The following FANCA variants were observed in gnomAD, a reference collection of about 807,000 sequenced individuals.
FANCA encodes FA complementation group A.
FANCA carries 236 observed loss-of-function variants against 194.3 expected under a neutral mutation model. That is an observed-to-expected ratio of 1.21 (90% CI 1.09 to 1.35). FANCA has a LOEUF of 1.35. FANCA is among the 40% of genes most tolerant of loss of function. The pLI is 0.00. For missense variants in FANCA, 2,628 were observed against 1,813.9 expected (o/e 1.45, Z -8.15); for synonymous variants, 1,014 against 715.8 (o/e 1.42, Z -6.65).
Position 89,770,016 on chromosome 16 carries a change from G to C in FANCA, c.2325C>G (p.Ser775Arg), listed in dbSNP as rs545765795. The C allele has an allele frequency of 3.7e-6, 6 of 1,613,564 alleles. No homozygotes were observed. In the Admixed American group the frequency reaches 6.7e-5, roughly 18 times the overall value. ...LCQLLRHQGP[S>R]LSAPHVLGLA... ...ACCCCAGCACATGTGGGGCACTCAG[G>C]CTCGGGCCCTGCAACGAGAATGAGG... The change falls in exon 26 of 43, where the codon AGC becomes AGG. Residue 775 changes from serine to arginine, a missense_variant. By Grantham distance (110) the Ser-to-Arg change is moderately radical. Transcript: ENST00000389301.
At chr16:89,767,314 A>G in intron 26 of FANCA, 77 bp from the exon 27 acceptor site, 1 of 1,055,440 alleles carries the variant, frequency 9.5e-7, no homozygotes, top group Non-Finnish European at 1.4e-6. Flanking sequence ...TTTGAATTTC[A>G]TAAAACTGAA....
chr16:89,759,549 C>T (rs914694380), intron 29 of FANCA, among the ~76,000 whole-genome samples: 1 of 151,738 alleles, frequency 6.6e-6, no homozygotes, highest in Non-Finnish European at 1.5e-5. Context: ...TCACTTGAGC[C>T]CAGGAGTCTG....
At chr16:89,799,035 C>G (rs1384674891) in intron 10 of FANCA, 131 bp downstream of exon 10, 1 of 1,614,258 alleles carries the variant, frequency 6.2e-7, no homozygotes, top group Admixed American at 1.7e-5. Context: ...CGCACGTTAT[C>G]GTAACTGGCA....
rs1421427018 is a variant in FANCA, at chr16:89,740,262, CA to C, written c.3829-164del. 4.5e-5 allele frequency: 31 copies of C among 687,356 alleles called. No individual in the cohort carries two copies. The East Asian group carries it at 8.2e-4, about 18-fold the overall frequency. 42.6% of individuals were successfully genotyped at this position (687,356 alleles called of 1,614,324 possible). A position where few individuals can be genotyped will look rare whatever the true frequency, so the allele number is the denominator to read the frequency against. Reference sequence around the variant, plus strand: ...TAGAAGGTAATACTGGGCCTCTGGACAGAAGAGGCTCAGGTAGGAGGCCAGG... The same window carrying C: ...TAGAAGGTAATACTGGGCCTCTGGACGAAGAGGCTCAGGTAGGAGGCCAGG... On this transcript the variant is annotated intron_variant, in intron 38 of 42. Coordinates refer to ENST00000389301, the MANE Select transcript of FANCA (RefSeq NM_000135.4).
chr16:89,761,532 A>G (rs2038954235), intron 29 of FANCA, among the ~76,000 whole-genome samples: 1 of 152,172 alleles, frequency 6.6e-6, no homozygotes, highest in African/African-American at 2.4e-5. Context: ...ATTGTGCTCA[A>G]AGATTAACAG....
At chr16:89,788,652 T>C (rs2039972484) in intron 14 of FANCA, among the ~76,000 whole-genome samples, 1 of 151,974 alleles carries the variant, frequency 6.6e-6, no homozygotes, top group Non-Finnish European at 1.5e-5. Flanking sequence ...TTTTTTTAAT[T>C]AGCTGGGTGT....
intron 14 of FANCA, 55 bp downstream of exon 14, chr16:89,791,348 T>C: frequency 6.2e-7 from 1 of 1,600,986 alleles, no homozygotes; most frequent in Non-Finnish European, 8.5e-7. Flanking sequence ...TGGTCCCCAC[T>C]CCCAGGCCTT....
intron 5 of FANCA, among the ~76,000 whole-genome samples, chr16:89,808,867 T>C (rs1310444161): frequency 1.3e-5 from 2 of 151,508 alleles, no homozygotes; most frequent in Admixed American, 6.6e-5. Context: ...ACTGCCCTGA[T>C]CTCCCTGCAG....
At chr16:89,742,979 C>T (rs1253167380) in intron 36 of FANCA, 41 bp from the exon 37 acceptor site, 2 of 1,599,244 alleles carry the variant, frequency 1.3e-6, no homozygotes, top group Non-Finnish European at 1.7e-6. Context: ...GCCTTACAAC[C>T]ATACAACCAC....
chr16:89,796,094 G>A, intron 10 of FANCA, 76 bp from the exon 11 acceptor site: 1 of 1,141,742 alleles, frequency 8.8e-7, no homozygotes, highest in South Asian at 1.2e-5. Context: ...AGCACAAACT[G>A]TGGCTCAGGC....
At chr16:89,795,884 G>A (rs761408560) in intron 11 of FANCA, 22 bp downstream of exon 11, 8 of 1,571,162 alleles carry the variant, frequency 5.1e-6, no homozygotes, top group East Asian at 4.5e-5. Flanking sequence ...TAGCAACTGA[G>A]CAGCCTCCAC....
intron 29 of FANCA, among the ~76,000 whole-genome samples, chr16:89,761,420 G>GAAAAAAAAAA (rs56659330): frequency 1.5e-4 from 14 of 95,600 alleles, no homozygotes; most frequent in Non-Finnish European, 2.6e-4. Flanking sequence ...CTCTGTCTCA[G>GAAAAAAAAAA]AAAAAAAAAA....
intron 7 of FANCA, among the ~76,000 whole-genome samples, chr16:89,804,629 C>T (rs544063482): frequency 1.3e-5 from 2 of 152,254 alleles, no homozygotes; most frequent in South Asian, 2.1e-4. Flanking sequence ...TCTGACAAAC[C>T]CAACTACTCC....
intron 30 of FANCA, among the ~76,000 whole-genome samples, chr16:89,752,711 G>A (rs915186969): frequency 6.6e-6 from 1 of 152,220 alleles, no homozygotes; most frequent in Non-Finnish European, 1.5e-5. Flanking sequence ...GGTGTGACCA[G>A]AAGACAAGAG....
chr16:89,779,824 GCA>G (rs2039640347), intron 18 of FANCA, 43 bp downstream of exon 18: 4 of 1,537,650 alleles, frequency 2.6e-6, no homozygotes, highest in Non-Finnish European at 3.6e-6. Context: ...AGCGCGGTCT[GCA>G]CACACTGCAG....
At chr16:89,807,281 A>AC (rs199773507) in intron 6 of FANCA, among the ~76,000 whole-genome samples, 2 of 150,402 alleles carry the variant, frequency 1.3e-5, no homozygotes. Flanking sequence ...ACATGGTGAA[A>AC]CCCCATCTCT....
At chr16:89,813,248 C>G (rs1053531695) in intron 3 of FANCA, among the ~76,000 whole-genome samples, 3 of 151,562 alleles carry the variant, frequency 2.0e-5, no homozygotes, top group African/African-American at 7.3e-5. Flanking sequence ...AACCCTGTCT[C>G]TATGAAAAAA....
At chr16:89,753,174 G>T (rs2038655534) in intron 30 of FANCA, among the ~76,000 whole-genome samples, 3 of 152,240 alleles carry the variant, frequency 2.0e-5, no homozygotes, top group Admixed American at 2.0e-4. Context: ...TGCCTCAGCT[G>T]CCAGGCAGGG....
intron 6 of FANCA, among the ~76,000 whole-genome samples, chr16:89,807,282 C>T (rs545022296): frequency 6.8e-6 from 1 of 147,494 alleles, no homozygotes; most frequent in Non-Finnish European, 1.5e-5. Context: ...CATGGTGAAA[C>T]CCCATCTCTA....
Sources: allele counts gnomAD v4.1 joint callset (sites outside exome capture counted in the v4.1 genomes callset), GRCh38; gene constraint gnomAD v4.1.1; transcripts MANE v1.5; gene names NCBI Gene and HGNC (gene_info 2026-07-23, HGNC 2026-07-21).